The following ZNF618 variants were observed in gnomAD, a reference collection of about 807,000 sequenced individuals.
The protein encoded by ZNF618 is zinc finger protein 618.
A neutral mutation model predicts 103.0 loss-of-function variants in ZNF618; 34 were observed. That is an observed-to-expected ratio of 0.33 (90% confidence interval 0.25 to 0.44). ZNF618 has a LOEUF of 0.44. Among genes scored for constraint, ZNF618 ranks in the 20% least tolerant of loss-of-function variants. The pLI, the probability that ZNF618 is intolerant of heterozygous loss-of-function variation, is 1.00. For missense variants in ZNF618, 1,059 were observed against 1,295.4 expected (o/e 0.82, Z 2.80); for synonymous variants, 551 against 542.2 (o/e 1.02, Z -0.23).
chr9:113,966,642 C>T (rs898566094), intron 1 of ZNF618, among the ~76,000 whole-genome samples: 6 of 152,198 alleles, frequency 3.9e-5, no homozygotes, highest in South Asian at 2.1e-4. Context: ...TAGCTGGACT[C>T]GGCCAGGCCC....
At chr9:113,921,658 A>G (rs963938345) in intron 1 of ZNF618, among the ~76,000 whole-genome samples, 5 of 152,234 alleles carry the variant, frequency 3.3e-5, no homozygotes, top group Admixed American at 1.3e-4. Context: ...ACAGAACATG[A>G]TCTGGAAAGA....
chr9:113,954,005 G>C (rs1836014072), intron 1 of ZNF618, among the ~76,000 whole-genome samples: 1 of 152,140 alleles, frequency 6.6e-6, no homozygotes, highest in African/African-American at 2.4e-5. Context: ...CAAAAGGAAG[G>C]GGAAGGGCCC....
intron 2 of ZNF618, among the ~76,000 whole-genome samples, chr9:113,977,453 T>G (rs1838584832): frequency 6.6e-6 from 1 of 152,088 alleles, no homozygotes; most frequent in African/African-American, 2.4e-5. Context: ...GCCTCGCTCT[T>G]TAGTGGTTGA....
chr9:113,975,367 G>A (rs1009151442), intron 2 of ZNF618, among the ~76,000 whole-genome samples: 1 of 152,132 alleles, frequency 6.6e-6, no homozygotes, highest in African/African-American at 2.4e-5. Context: ...GATTTTTCAC[G>A]GGTGGACCAT....
At chr9:113,996,458 C>G (rs1057445321) in intron 3 of ZNF618, among the ~76,000 whole-genome samples, 16 of 152,302 alleles carry the variant, frequency 1.1e-4, no homozygotes, top group African/African-American at 3.8e-4. Context: ...GTTGCTACCC[C>G]ACATTCTTTC....
rs1306635893 is a variant in ZNF618 at position 114,054,135 on chromosome 9, C to G, written c.*3968C>G. 1 of 152,612 alleles carries G rather than the reference C, an allele frequency of 6.6e-6. No individual in the cohort carries two copies. The highest frequency in any genetic ancestry group is 1.5e-5 in the Non-Finnish European group (1 of 68,046). The allele number at this position is 152,612 out of a possible 1,614,324, so 9.5% of individuals were successfully genotyped here. On this transcript the variant is annotated 3_prime_UTR_variant, in exon 15 of 15. Coordinates refer to ENST00000374126, the MANE Select transcript of ZNF618 (RefSeq NM_001318042.2). ...GAGAAAAAATCTACAAGGCGTGTTT[C>G]CACTGAAGCTGAACCTCTGCCTTTA...
At chr9:114,035,505 C>T (rs1292453040) in intron 12 of ZNF618, among the ~76,000 whole-genome samples, 10 of 152,216 alleles carry the variant, frequency 6.6e-5, no homozygotes, top group African/African-American at 2.4e-4. Context: ...CATTCACGGT[C>T]GTCGGGCAGC....
chr9:113,983,278 C>T (rs1335663890), intron 2 of ZNF618, among the ~76,000 whole-genome samples: 2 of 152,142 alleles, frequency 1.3e-5, no homozygotes, highest in African/African-American at 4.8e-5. Context: ...GCGCCACTAA[C>T]TCAAAGTGAT....
chr9:114,032,847 T>A, intron 12 of ZNF618, 119 bp downstream of exon 12: 1 of 880,704 alleles, frequency 1.1e-6, no homozygotes, highest in Non-Finnish European at 1.9e-6. Context: ...TGGATCTTGT[T>A]GGGAGGAGGC....
At chr9:113,888,054 A>G (rs1489765549) in intron 1 of ZNF618, among the ~76,000 whole-genome samples, 1 of 151,948 alleles carries the variant, frequency 6.6e-6, no homozygotes, top group Non-Finnish European at 1.5e-5. Context: ...TTTTTTTTAA[A>G]TATGAGAGAG....
At chr9:113,926,351 AG>A (rs1431442553) in intron 1 of ZNF618, among the ~76,000 whole-genome samples, 3 of 151,818 alleles carry the variant, frequency 2.0e-5, no homozygotes, top group Non-Finnish European at 2.9e-5. Flanking sequence ...GCTGGGATAC[AG>A]TTTTTTTGGT....
At chr9:113,953,885 G>GTA (rs1300605427) in intron 1 of ZNF618, among the ~76,000 whole-genome samples, 12 of 152,092 alleles carry the variant, frequency 7.9e-5, no homozygotes, top group Admixed American at 5.2e-4. Context: ...AGATGACTGA[G>GTA]TATAGCAGCC....
chr9:113,986,469 G>A lies in ZNF618; in HGVS notation c.78-1852G>A, dbSNP rs538986688. On this transcript the variant is annotated intron_variant, in intron 2 of 14. Coordinates refer to ENST00000374126, the MANE Select transcript of ZNF618 (RefSeq NM_001318042.2). ...AGAAATGTATTTTCTCACAGTTCTG[G>A]AGGCTGGAGGTTGTGATTAGGTTGC... 4.6e-5 allele frequency among the ~76,000 whole-genome samples: 7 copies of A among 152,302 alleles called. No homozygotes were observed. In the South Asian group the frequency reaches 1.5e-3, roughly 32 times the overall value.
chr9:114,010,131 G>A (rs1040208938), intron 9 of ZNF618, among the ~76,000 whole-genome samples: 3 of 151,946 alleles, frequency 2.0e-5, no homozygotes, highest in South Asian at 2.1e-4. Context: ...CCAATATGGC[G>A]AAACCCCGTC....
intron 13 of ZNF618, among the ~76,000 whole-genome samples, chr9:114,042,021 G>A (rs1264412074): frequency 6.6e-6 from 1 of 152,076 alleles, no homozygotes; most frequent in African/African-American, 2.4e-5. Flanking sequence ...GTGATTTGTA[G>A]TTCTCCTTGA....
chr9:113,954,839 T>G (rs2132417637), intron 1 of ZNF618, among the ~76,000 whole-genome samples: 1 of 152,316 alleles, frequency 6.6e-6, no homozygotes, highest in African/African-American at 2.4e-5. Flanking sequence ...CCTGGGGTAC[T>G]TCTTCTCACC....
At chr9:113,960,694 A>G (rs1037688333) in intron 1 of ZNF618, among the ~76,000 whole-genome samples, 3 of 152,178 alleles carry the variant, frequency 2.0e-5, no homozygotes, top group African/African-American at 7.2e-5. Context: ...GTCAATCACA[A>G]TGTCTCTGGG....
chr9:113,951,628 T>A (rs948682911), intron 1 of ZNF618, among the ~76,000 whole-genome samples: 1 of 149,828 alleles, frequency 6.7e-6, no homozygotes, highest in Admixed American at 6.7e-5. Flanking sequence ...TATGTATATA[T>A]ACTCCTCTCC....
At chr9:114,014,325 T>C (rs886677100) in intron 9 of ZNF618, among the ~76,000 whole-genome samples, 8 of 152,214 alleles carry the variant, frequency 5.3e-5, no homozygotes, top group Non-Finnish European at 1.2e-4. Context: ...TTCCTTATCT[T>C]TACTCTGCAC....
Sources: gnomAD v4.1 joint callset for allele counts (sites outside exome capture counted in the v4.1 genomes callset) on GRCh38, gnomAD v4.1.1 for gene constraint, MANE v1.5 for transcripts, NCBI Gene and HGNC (gene_info 2026-07-23, HGNC 2026-07-21) for gene names.